DYNC1LI2: variants seen among roughly 807,000 people sequenced by gnomAD.
The protein encoded by DYNC1LI2 is cytoplasmic dynein 1 light intermediate chain 2.
DYNC1LI2 carries 19 observed loss-of-function variants against 57.8 expected under a neutral mutation model. That is an observed-to-expected ratio of 0.33 (90% confidence interval 0.23 to 0.48). The LOEUF (loss-of-function observed/expected upper bound fraction) is 0.48, where lower values mean the gene tolerates loss of function less well. Ranked by LOEUF, DYNC1LI2 falls within the 20% of genes least tolerant of loss-of-function variation. The pLI is 0.99. For missense variants in DYNC1LI2, 470 were observed against 604.2 expected (o/e 0.78, Z 2.33); for synonymous variants, 256 against 233.4 (o/e 1.10, Z -0.88).
At chr16:66,748,993 T>G (rs2017990675) in intron 3 of DYNC1LI2, among the ~76,000 whole-genome samples, 1 of 152,216 alleles carries the variant, frequency 6.6e-6, no homozygotes, top group Non-Finnish European at 1.5e-5. Context: ...AACAGCTAAG[T>G]GTCCCATTCC....
chr16:66,751,073 A>G lies in DYNC1LI2; in HGVS notation c.181+200T>C, dbSNP rs946755923. Among the ~76,000 whole-genome samples, 2 of 152,138 alleles carry G rather than the reference A, an allele frequency of 1.3e-5. No individual in the cohort carries two copies. Among genetic ancestry groups the G allele is most frequent in the Non-Finnish European group, 2.9e-5 (2 of 68,022 alleles). ...ATGCCGACAACCCCAAAGCACCACTACGCTCTCCAAAGAGGGCAGCATCCC... is the reference window on the plus strand; with the variant it reads ...ATGCCGACAACCCCAAAGCACCACTGCGCTCTCCAAAGAGGGCAGCATCCC... On this transcript the variant is annotated intron_variant, in intron 2 of 12. Coordinates refer to ENST00000258198, the MANE Select transcript of DYNC1LI2 (RefSeq NM_006141.3). The surrounding 1 kb of genome is among the most constrained non-coding windows in gnomAD (Gnocchi z 5.2).
intron 3 of DYNC1LI2, among the ~76,000 whole-genome samples, chr16:66,747,512 G>A (rs933091047): frequency 3.3e-5 from 5 of 151,876 alleles, no homozygotes; most frequent in African/African-American, 9.7e-5. Context: ...TTATATAATC[G>A]CCCATACATC....
intron 11 of DYNC1LI2, among the ~76,000 whole-genome samples, chr16:66,727,323 C>T (rs1348440362): frequency 6.6e-6 from 1 of 152,178 alleles, no homozygotes; most frequent in African/African-American, 2.4e-5. Flanking sequence ...GAGTTTGAGG[C>T]TGCAGTGTGC....
At chr16:66,749,137 C>T (rs2017993695) in intron 3 of DYNC1LI2, 60 bp downstream of exon 3, 4 of 1,547,418 alleles carry the variant, frequency 2.6e-6, no homozygotes, top group African/African-American at 1.4e-5. Context: ...GAACTGCACC[C>T]AAGGAAGCAG....
chr16:66,736,754 C>T (rs1339150785), intron 4 of DYNC1LI2, among the ~76,000 whole-genome samples: 1 of 152,150 alleles, frequency 6.6e-6, no homozygotes, highest in Non-Finnish European at 1.5e-5. Flanking sequence ...CCTCGGCTTT[C>T]CAAAGTGCTG....
chr16:66,730,423 T>C, intron 7 of DYNC1LI2, 200 bp from the exon 8 acceptor site: 1 of 484,854 alleles, frequency 2.1e-6, no homozygotes, highest in Non-Finnish European at 3.7e-6. Flanking sequence ...TCCTGCTCCA[T>C]ACTGAGTTCA....
intron 7 of DYNC1LI2, chr16:66,731,277 A>G (rs2017631992): frequency 6.6e-6 from 1 of 152,238 alleles, no homozygotes. Flanking sequence ...CACCTCTCAC[A>G]GGGCTTGTGC....
rs533478282 is a variant in DYNC1LI2, at chr16:66,730,090, T to G, written c.1041+22A>C. 55 of 1,609,468 alleles carry G rather than the reference T, an allele frequency of 3.4e-5. No individual in the cohort carries two copies. In the African/African-American group the frequency reaches 6.0e-4, roughly 18 times the overall value. ...GCCACCGCGCCCGGCCCTAAACCCT[T>G]AAAGCAATTGTCTTTGACTACCTTT... is the stretch of plus-strand genomic sequence containing the variant. On this transcript the variant is annotated intron_variant, in intron 8 of 12. Coordinates refer to ENST00000258198, the MANE Select transcript of DYNC1LI2 (RefSeq NM_006141.3).
At chr16:66,733,890 A>T (rs530421255) in intron 6 of DYNC1LI2, 1 of 244,324 alleles carries the variant, frequency 4.1e-6, no homozygotes, top group South Asian at 5.8e-5. Context: ...CGCCGAGCGC[A>T]GTAGCTAACA....
chr16:66,746,476 A>G (rs982808000), intron 3 of DYNC1LI2, among the ~76,000 whole-genome samples: 1 of 152,234 alleles, frequency 6.6e-6, no homozygotes, highest in Admixed American at 6.5e-5. Flanking sequence ...CAATTCTTCC[A>G]TCAAACAGGA....
At chr16:66,729,384 A>C (rs2017593419) in intron 8 of DYNC1LI2, among the ~76,000 whole-genome samples, 1 of 152,116 alleles carries the variant, frequency 6.6e-6, no homozygotes. Flanking sequence ...AGGCAACGGC[A>C]GCACTGGCAG....
intron 4 of DYNC1LI2, chr16:66,738,220 G>A (rs1479744546): frequency 2.1e-5 from 3 of 145,352 alleles, no homozygotes; most frequent in Non-Finnish European, 3.0e-5. Context: ...GTGCAGATGT[G>A]ATATTTCATC....
Position 66,723,402 on chromosome 16 carries a change from C to A in DYNC1LI2, c.*320G>T, listed in dbSNP as rs1300872992. 2.0e-6 allele frequency: 1 copy of A among 494,284 alleles called. No homozygotes were observed. The highest frequency in any genetic ancestry group is 2.3e-5 in the Admixed American group (1 of 43,748). The allele number at this position is 494,284 out of a possible 1,614,324, so 30.6% of individuals were successfully genotyped here. On this transcript the variant is annotated 3_prime_UTR_variant, in exon 13 of 13. Coordinates refer to ENST00000258198, the MANE Select transcript of DYNC1LI2 (RefSeq NM_006141.3). ...ACCAATGATTTCTTGGTCTCATTTG[C>A]TCCACCCTGTTAGAAAGTGGGCCCT...
chr16:66,732,252 A>G, intron 7 of DYNC1LI2, 87 bp downstream of exon 7: 1 of 1,506,420 alleles, frequency 6.6e-7, no homozygotes, highest in Non-Finnish European at 8.9e-7. Context: ...ACACAGACAG[A>G]AGGCACCTTC....
At chr16:66,739,691 T>C (rs2017802384) in intron 4 of DYNC1LI2, among the ~76,000 whole-genome samples, 1 of 152,182 alleles carries the variant, frequency 6.6e-6, no homozygotes, top group South Asian at 2.1e-4. Flanking sequence ...CTTCCCAAAG[T>C]GCTGGGGTTA....
chr16:66,741,897 C>CAAAAAAAAAA (rs66527903), intron 4 of DYNC1LI2, among the ~76,000 whole-genome samples: 1 of 106,850 alleles, frequency 9.4e-6, no homozygotes, highest in African/African-American at 3.6e-5. Context: ...ATGTTAATTA[C>CAAAAAAAAAA]AAAAAAAAAA....
intron 11 of DYNC1LI2, among the ~76,000 whole-genome samples, chr16:66,727,407 T>C (rs534808923): frequency 6.6e-6 from 1 of 152,234 alleles, no homozygotes; most frequent in African/African-American, 2.4e-5. Flanking sequence ...AGTTACTATT[T>C]TGCATTCCTC....
At chr16:66,735,936 A>T in intron 5 of DYNC1LI2, 139 bp downstream of exon 5, 4 of 1,125,730 alleles carry the variant, frequency 3.6e-6, no homozygotes, top group Non-Finnish European at 5.0e-6. Context: ...TTCTGTCTTG[A>T]CATATTCAAT....
Position 66,751,608 on chromosome 16 carries a change from A to C in DYNC1LI2, c.-17T>G. On this transcript the variant is annotated 5_prime_UTR_variant, in exon 1 of 13. Transcript: ENST00000258198. This position sits in a 1 kb window ranked among gnomAD's most constrained non-coding sequence, Gnocchi z 5.2. The stretch of plus-strand genomic sequence containing the variant: ...CGGCGCCATCTTGCCAACTGCAGCC[A>C]CAAAGAGGGCCCTCCCCCGGGCCCG... The C allele has an allele frequency of 1.3e-6, 2 of 1,566,144 alleles. No homozygotes were observed. Among genetic ancestry groups the C allele is most frequent in the Non-Finnish European group, 1.7e-6 (2 of 1,159,244 alleles).
Sources: gnomAD v4.1 joint callset for allele counts (sites outside exome capture counted in the v4.1 genomes callset) on GRCh38, gnomAD v4.1.1 for gene constraint, Gnocchi (gnomAD v3.1) non-coding constraint, MANE v1.5 for transcripts, NCBI Gene and HGNC (gene_info 2026-07-23, HGNC 2026-07-21) for gene names.